The following ZNF592 variants were observed in gnomAD, a reference collection of about 807,000 sequenced individuals.
The protein encoded by ZNF592 is zinc finger protein 592.
In ZNF592, 11 loss-of-function variants were observed where a neutral mutation model predicts 80.3. That is an observed-to-expected ratio of 0.14 (90% CI 0.09 to 0.23). The LOEUF (loss-of-function observed/expected upper bound fraction) is 0.23. Among genes scored for constraint, ZNF592 ranks in the 10% least tolerant of loss-of-function variants. ZNF592 has a pLI of 1.00. For missense variants in ZNF592, 1,420 were observed against 1,633.9 expected, an observed-to-expected ratio of 0.87 and a Z score of 2.26; for synonymous variants, 646 against 640.3, an observed-to-expected ratio of 1.01 and a Z score of -0.13.
In ZNF592 at chr15:84,799,714, T is replaced by C. The variant is rs1360896851; in HGVS notation, c.3138-128T>C. 32 of 1,432,428 alleles carry C rather than the reference T, an allele frequency of 2.2e-5. No homozygotes were observed. The highest frequency in any genetic ancestry group is 2.9e-5 in the Non-Finnish European group (30 of 1,031,514). The allele number at this position is 1,432,428 out of a possible 1,614,324, so 88.7% of individuals were successfully genotyped here. A position where few individuals can be genotyped will look rare whatever the true frequency, so the allele number is the denominator to read the frequency against. On this transcript the variant is annotated intron_variant, in intron 9 of 10. Coordinates refer to ENST00000560079, the MANE Select transcript of ZNF592 (RefSeq NM_014630.3). This position sits in a 1 kb window ranked among gnomAD's most constrained non-coding sequence, Gnocchi z 4.2. Reference sequence around the variant, plus strand: ...GGCTGGCCTGCTGGCTGGATCTCTCTGGGGTTCCCAGCACTAGCCAGCCCA... The same window carrying C: ...GGCTGGCCTGCTGGCTGGATCTCTCCGGGGTTCCCAGCACTAGCCAGCCCA...
At chr15:84,773,610 T>C (rs1248743723) in intron 2 of ZNF592, among the ~76,000 whole-genome samples, 1 of 152,128 alleles carries the variant, frequency 6.6e-6, no homozygotes, top group African/African-American at 2.4e-5. Flanking sequence ...ACCCTGGGAA[T>C]GTCCAAGCCC....
intron 1 of ZNF592, among the ~76,000 whole-genome samples, chr15:84,751,053 G>T (rs150707077): frequency 6.6e-6 from 1 of 152,304 alleles, no homozygotes; most frequent in Non-Finnish European, 1.5e-5. Context: ...TGGGTTGAGT[G>T]GCTTAACTAC....
chr15:84,758,494 A>C (rs1489547405), intron 1 of ZNF592, among the ~76,000 whole-genome samples: 1 of 152,088 alleles, frequency 6.6e-6, no homozygotes, highest in Admixed American at 6.5e-5. Context: ...CATGTTGCCC[A>C]GGCTGGTCTT....
rs373585270 is a variant in ZNF592, at chr15:84,799,109, G to A, written c.3036G>A (p.Arg1012=). 6.2e-7 allele frequency: 1 copy of A among 1,614,008 alleles called. No individual in the cohort carries two copies. Among genetic ancestry groups the A allele is most frequent in the Non-Finnish European group, 8.5e-7 (1 of 1,180,028 alleles). Residue 1012 remains arginine, a synonymous_variant, in exon 9 of 11, where the codon CGG becomes CGA. Transcript: ENST00000560079. This position sits in a 1 kb window ranked among gnomAD's most constrained non-coding sequence, Gnocchi z 4.2. ...MKKSHGRTLK[R]YPCRQCEQSF... ...ACCTCCTTCCTTAGACATTGAAGCG[G>A]TACCCATGCCGGCAGTGTGAACAGT...
intron 2 of ZNF592, among the ~76,000 whole-genome samples, chr15:84,770,948 C>T (rs542641836): frequency 9.2e-5 from 14 of 152,062 alleles, no homozygotes; most frequent in African/African-American, 2.2e-4. Flanking sequence ...CTTTGGTTGG[C>T]GTGGAAAAGG....
chr15:84,800,214 G>A (rs1486991572), intron 10 of ZNF592, among the ~76,000 whole-genome samples: 3 of 152,154 alleles, frequency 2.0e-5, no homozygotes, highest in South Asian at 2.1e-4. Flanking sequence ...CTGTCACCAC[G>A]GCCCCCTCTG....
At chr15:84,760,066 G>A (rs929731903) in intron 1 of ZNF592, among the ~76,000 whole-genome samples, 6 of 150,268 alleles carry the variant, frequency 4.0e-5, no homozygotes, top group Admixed American at 2.7e-4. Context: ...CAGTTGAGAT[G>A]GATAGGCAGA....
chr15:84,762,214 G>T (rs1321839344), intron 1 of ZNF592, among the ~76,000 whole-genome samples: 1 of 152,206 alleles, frequency 6.6e-6, no homozygotes, highest in Non-Finnish European at 1.5e-5. Context: ...GCTCATTCTG[G>T]TTTGTATGCA....
At position 84,786,719 on chromosome 15, in the gene ZNF592, C is replaced by T. The variant is rs146993156; in HGVS notation, c.2220+1824C>T. ...CCCTGGGGCTTCAGTGTTCTTGCTG[C>T]CCCAGCATGGTTGAGTTGGGCCAGG... On this transcript the variant is annotated intron_variant, in intron 4 of 10. Transcript: ENST00000560079. Among the ~76,000 whole-genome samples the T allele has an allele frequency of 4.2e-3, 633 of 152,214 alleles. 13 individuals are homozygous for T. The highest frequency in any genetic ancestry group is 0.033 in the Admixed American group (498 of 15,286).
At chr15:84,797,229 G>A (rs980850557) in intron 5 of ZNF592, among the ~76,000 whole-genome samples, 3 of 152,176 alleles carry the variant, frequency 2.0e-5, no homozygotes, top group Admixed American at 2.0e-4. Context: ...CCCAAGTGCT[G>A]GGATTACAGG....
In ZNF592 at chr15:84,783,500, G is replaced by C; in HGVS notation, c.825G>C (p.Lys275Asn). The change falls in exon 4 of 11, where the codon AAG (lysine) becomes AAC (asparagine). Residue 275 changes from lysine (K) to asparagine (N), a missense_variant. This residue lies in a region of ZNF592 where 373 missense variants were observed against 355.5 expected (regional missense o/e 1.05). Coordinates refer to ENST00000560079, the MANE Select transcript of ZNF592 (RefSeq NM_014630.3). The surrounding 1 kb of genome is among the most constrained non-coding windows in gnomAD (Gnocchi z 5.0). ...CSSVPPRQRLKPAHSKLSSCV... is the reference protein window; with the variant it reads ...CSSVPPRQRLNPAHSKLSSCV... ...CAGTCCCCCCTAGGCAGCGTCTAAA[G>C]CCAGCTCATTCCAAGCTGTCCTCTT... 1 of 1,614,224 alleles carries C rather than the reference G, an allele frequency of 6.2e-7. No homozygotes were observed. The highest frequency in any genetic ancestry group is 8.5e-7 in the Non-Finnish European group (1 of 1,180,038).
rs965972063 is a variant in ZNF592 at position 84,788,675 on chromosome 15, T to C, written c.2221-2030T>C. ...CTGTTGTGAAACCAGTCTCCAGAAC[T>C]CTTCATGTTGCAAAACTGAAACCCT... On this transcript the variant is annotated intron_variant, in intron 4 of 10. Coordinates refer to ENST00000560079, the MANE Select transcript of ZNF592 (RefSeq NM_014630.3). Among the ~76,000 whole-genome samples the C allele has an allele frequency of 4.6e-5, 7 of 152,320 alleles. No individual in the cohort carries two copies. In the East Asian group the frequency reaches 1.3e-3, roughly 29 times the overall value.
At chr15:84,755,815 C>T in intron 1 of ZNF592, among the ~76,000 whole-genome samples, 1 of 152,184 alleles carries the variant, frequency 6.6e-6, no homozygotes, top group African/African-American at 2.4e-5. Context: ...CCTCCTCTGT[C>T]ACTCTCAGGG....
At chr15:84,770,952 GA>G (rs2141974023) in intron 2 of ZNF592, among the ~76,000 whole-genome samples, 1 of 152,246 alleles carries the variant, frequency 6.6e-6, no homozygotes, top group East Asian at 1.9e-4. Context: ...GGTTGGCGTG[GA>G]AAAGGCATGG....
intron 2 of ZNF592, among the ~76,000 whole-genome samples, chr15:84,766,559 G>T (rs1238525039): frequency 3.3e-5 from 5 of 152,094 alleles, no homozygotes; most frequent in African/African-American, 1.2e-4. Flanking sequence ...GGAGAGAAGA[G>T]GGAGGAAGAG....
At chr15:84,761,855 T>G (rs1899360783) in intron 1 of ZNF592, among the ~76,000 whole-genome samples, 1 of 152,246 alleles carries the variant, frequency 6.6e-6, no homozygotes, top group South Asian at 2.1e-4. Context: ...TTCCGTATGT[T>G]TATTTCTCAG....
rs562767367 is a variant in ZNF592 at position 84,805,783 on chromosome 15, C to G, written c.*3390C>G. ...AAATTAATACATATACATGGTAAGA[C>G]ATTCCACAATACAAAAGGGTATACA... On this transcript the variant is annotated 3_prime_UTR_variant, in exon 11 of 11. Transcript: ENST00000560079. 1 of 152,572 alleles carries G rather than the reference C, an allele frequency of 6.6e-6. No individual in the cohort carries two copies. Among genetic ancestry groups the G allele is most frequent in the Non-Finnish European group, 1.5e-5 (1 of 68,050 alleles). 9.5% of individuals were successfully genotyped at this position (152,572 alleles called of 1,614,324 possible).
chr15:84,773,432 C>T (rs1272806940), intron 2 of ZNF592, among the ~76,000 whole-genome samples: 4 of 152,000 alleles, frequency 2.6e-5, no homozygotes, highest in Admixed American at 6.6e-5. Context: ...AGGATGGTCT[C>T]GATCTCCTGA....
At chr15:84,756,654 A>G (rs1208775726) in intron 1 of ZNF592, among the ~76,000 whole-genome samples, 1 of 152,170 alleles carries the variant, frequency 6.6e-6, no homozygotes, top group East Asian at 1.9e-4. Context: ...CCAGACTTGA[A>G]CTTAACTGGC....
Sources: gnomAD v4.1 joint callset for allele counts (sites outside exome capture counted in the v4.1 genomes callset) on GRCh38, gnomAD v4.1.1 for gene constraint, gnomAD v4.1.1 regional missense constraint, Gnocchi (gnomAD v3.1) non-coding constraint, MANE v1.5 for transcripts, NCBI Gene and HGNC (gene_info 2026-07-23, HGNC 2026-07-21) for gene names.